MAP3K19: variants seen among roughly 807,000 people sequenced by gnomAD.
MAP3K19 encodes the protein SPS1/STE20-related protein kinase YSK4.
A neutral mutation model predicts 114.4 loss-of-function variants in MAP3K19; 91 were observed. The observed-to-expected ratio is 0.80, with a 90% confidence interval of 0.67 to 0.95. The LOEUF (loss-of-function observed/expected upper bound fraction) is 0.95, where lower values mean the gene tolerates loss of function less well. Among genes scored for constraint, MAP3K19 ranks in the 40% least tolerant of loss-of-function variants. The pLI is 0.00. For synonymous variants in MAP3K19, 518 were observed against 530.5 expected (o/e 0.98, Z 0.32); for missense variants, 1,471 against 1,573.2 (o/e 0.94, Z 1.10).
intron 6 of MAP3K19, among the ~76,000 whole-genome samples, chr2:135,002,159 G>T (rs1686487344): frequency 1.3e-5 from 2 of 151,992 alleles, no homozygotes; most frequent in Admixed American, 6.6e-5. Context: ...CATAATGAGG[G>T]TAAATTAACG....
chr2:135,045,358 A>G (rs1688722034), intron 1 of MAP3K19, among the ~76,000 whole-genome samples: 1 of 152,228 alleles, frequency 6.6e-6, no homozygotes, highest in Non-Finnish European at 1.5e-5. Context: ...CAGGACACAG[A>G]AATAATTAAA....
At chr2:134,976,613 C>T (rs1409737396) in intron 12 of MAP3K19, among the ~76,000 whole-genome samples, 2 of 152,120 alleles carry the variant, frequency 1.3e-5, no homozygotes, top group Non-Finnish European at 2.9e-5. Flanking sequence ...TCTAGTCAGC[C>T]ATCTTGAAGC....
chr2:134,980,784 G>T, intron 12 of MAP3K19, 37 bp downstream of exon 12: 1 of 1,571,394 alleles, frequency 6.4e-7, no homozygotes, highest in South Asian at 1.1e-5. Context: ...GGAATCTCCG[G>T]GCATTTATCT....
At chr2:135,022,354 CCTCTT>C (rs1688039028) in intron 4 of MAP3K19, among the ~76,000 whole-genome samples, 1 of 152,180 alleles carries the variant, frequency 6.6e-6, no homozygotes, top group Admixed American at 6.5e-5. Flanking sequence ...GTTAGGGAAT[CCTCTT>C]CTCCAGAGCT....
intron 1 of MAP3K19, among the ~76,000 whole-genome samples, chr2:135,042,946 G>A (rs1347052338): frequency 2.0e-5 from 3 of 152,000 alleles, no homozygotes; most frequent in African/African-American, 7.2e-5. Context: ...ACCCGGGTGT[G>A]GTGGCGCGCA....
intron 5 of MAP3K19, among the ~76,000 whole-genome samples, chr2:135,018,148 G>A (rs544759458): frequency 5.7e-4 from 87 of 151,998 alleles, no homozygotes; most frequent in African/African-American, 1.9e-3. Flanking sequence ...AAAATTAGCC[G>A]GGCATGGTGG....
rs570270800 is a variant in MAP3K19 at position 135,005,525 on chromosome 2, C to T, written c.145G>A (p.Asp49Asn). Residue 49 changes from aspartate (D) to asparagine (N), a missense_variant, in exon 6 of 13, where the codon GAC (aspartate) becomes AAC (asparagine). By Grantham distance (23) the Asp-to-Asn change is conservative. Coordinates refer to ENST00000392915, the MANE Select transcript of MAP3K19 (RefSeq NM_025052.5). ...GAATGACTGCAGTCACCATCTTGGT[C>T]GAACTCCTGCAATATCATAAAATTC... ...LQSISRSEEF[D>N]QDGDCSHSTL... is the part of the protein sequence containing the mutation. 15 of 1,612,594 alleles carry T rather than the reference C, an allele frequency of 9.3e-6. No homozygotes were observed. The highest frequency in any genetic ancestry group is 1.3e-5 in the Non-Finnish European group (15 of 1,178,844).
chr2:135,007,164 CAA>C (rs201841030), intron 5 of MAP3K19, among the ~76,000 whole-genome samples: 6 of 143,086 alleles, frequency 4.2e-5, no homozygotes, highest in Non-Finnish European at 7.8e-5. Flanking sequence ...GACCCTGTCT[CAA>C]AAAAAAAAAC....
chr2:135,046,100 A>G (rs965630055), intron 1 of MAP3K19, among the ~76,000 whole-genome samples: 2 of 151,886 alleles, frequency 1.3e-5, no homozygotes, highest in African/African-American at 2.4e-5. Flanking sequence ...AGTTATTTTT[A>G]TGTTTTATTT....
Position 135,014,376 on chromosome 2 carries a change from GA to G in MAP3K19, c.138+7338del, listed in dbSNP as rs910643893. On this transcript the variant is annotated intron_variant, in intron 5 of 12. Coordinates refer to ENST00000392915, the MANE Select transcript of MAP3K19 (RefSeq NM_025052.5). ...ACCCTGTCTCCAAAAAAGAAGAAAA[GA>G]AAAAAAAAAGGCATGTTGTCCAGGC... Among the ~76,000 whole-genome samples, 1,380 of 146,632 alleles carry G rather than the reference GA, an allele frequency of 9.4e-3. 20 individuals carry two copies. Among genetic ancestry groups the G allele is most frequent in the African/African-American group, 0.031 (1,238 of 40,194 alleles).
chr2:135,028,628 A>T (rs1292675123), intron 3 of MAP3K19, among the ~76,000 whole-genome samples: 6 of 152,210 alleles, frequency 3.9e-5, no homozygotes, highest in South Asian at 4.1e-4. Flanking sequence ...GGAGGGAGGC[A>T]TATGAATGTA....
At chr2:135,021,609 T>A in intron 5 of MAP3K19, 106 bp downstream of exon 5, 1 of 627,074 alleles carries the variant, frequency 1.6e-6, no homozygotes, top group Middle Eastern at 2.5e-4. Flanking sequence ...TGATTACACT[T>A]AAAAATAAAA....
intron 2 of MAP3K19, among the ~76,000 whole-genome samples, chr2:135,034,364 T>G (rs1358855326): frequency 8.2e-6 from 1 of 122,040 alleles, no homozygotes; most frequent in African/African-American, 4.0e-5. Flanking sequence ...TCCCAGACGA[T>G]GGGTGGCCAG....
chr2:134,989,034 G>A (rs547367368), intron 9 of MAP3K19, among the ~76,000 whole-genome samples: 1 of 152,278 alleles, frequency 6.6e-6, no homozygotes, highest in Admixed American at 6.5e-5. Context: ...GAATTAGTTT[G>A]TGAATGAAAT....
chr2:135,042,287 G>T (rs1278588016), intron 1 of MAP3K19, among the ~76,000 whole-genome samples: 3 of 152,072 alleles, frequency 2.0e-5, no homozygotes, highest in African/African-American at 4.8e-5. Context: ...CGGATCACGA[G>T]GTCAGGAGAT....
Position 134,981,383 on chromosome 2 carries a change from G to C in MAP3K19, c.3358C>G (p.His1120Asp). 1 of 1,614,198 alleles carries C rather than the reference G, an allele frequency of 6.2e-7. No individual in the cohort carries two copies. Among genetic ancestry groups the C allele is most frequent in the Non-Finnish European group, 8.5e-7 (1 of 1,180,042 alleles). ...EEVDLLKALK[H>D]VNIVAYLGTC... ...CCCAAATAGGCCACAATGTTGACAT[G>C]TTTCAGTGCTTTGAGCAAATCTACT... The change falls in exon 12 of 13, where the codon CAT becomes GAT. Residue 1120 changes from histidine (H) to aspartate (D), a missense_variant. By Grantham distance (81) the His-to-Asp change is moderately conservative. Transcript: ENST00000392915.
intron 1 of MAP3K19, among the ~76,000 whole-genome samples, chr2:135,046,744 C>T (rs1288154781): frequency 6.6e-6 from 1 of 152,022 alleles, no homozygotes; most frequent in Non-Finnish European, 1.5e-5. Flanking sequence ...TGATTTAGAA[C>T]CTTATGCAAT....
At chr2:134,972,861 T>A (rs1442625765) in intron 12 of MAP3K19, among the ~76,000 whole-genome samples, 2 of 152,236 alleles carry the variant, frequency 1.3e-5, no homozygotes, top group Non-Finnish European at 2.9e-5. Context: ...AGAAATTTTT[T>A]AATTTTCTTC....
intron 8 of MAP3K19, among the ~76,000 whole-genome samples, chr2:134,997,813 G>T (rs1226552913): frequency 1.2e-5 from 1 of 80,044 alleles, no homozygotes; most frequent in African/African-American, 5.4e-5. Context: ...GCGAGACTCC[G>T]TCTCAAAAAA....
Sources: gnomAD v4.1 joint callset for allele counts (sites outside exome capture counted in the v4.1 genomes callset) on GRCh38, gnomAD v4.1.1 for gene constraint, MANE v1.5 for transcripts, NCBI Gene and HGNC (gene_info 2026-07-23, HGNC 2026-07-21) for gene names.